The following HIVEP3 variants were observed in gnomAD, a reference collection of about 807,000 sequenced individuals.
HIVEP3 encodes the protein HIVEP zinc finger 3.
In HIVEP3, 49 loss-of-function variants were observed where a neutral mutation model predicts 152.8. That is an observed-to-expected ratio of 0.32 (90% CI 0.26 to 0.41). HIVEP3 has a LOEUF of 0.41. HIVEP3 is among the 10% of genes least tolerant of loss of function. The probability of loss-of-function intolerance (pLI) is 1.00; values close to 1 mark genes in which losing one functional copy is unlikely to be tolerated. For synonymous variants in HIVEP3, 1,269 were observed against 1,289.0 expected, an observed-to-expected ratio of 0.98 and a Z score of 0.33; for missense variants, 2,790 against 3,103.3, an observed-to-expected ratio of 0.90 and a Z score of 2.40.
chr1:41,584,842 G>A lies in HIVEP3; in HGVS notation c.-45C>T, dbSNP rs142011649. ...GATGCTATTCAGGGAGAGTCAGGGC[G>A]GGCTGCATTTATGAATAATCCCAGT... is the stretch of plus-strand genomic sequence containing the variant. On this transcript the variant is annotated 5_prime_UTR_variant, in exon 4 of 9. Coordinates refer to ENST00000372583, the MANE Select transcript of HIVEP3 (RefSeq NM_024503.5). This position sits in a 1 kb window ranked among gnomAD's most constrained non-coding sequence, Gnocchi z 5.2. 8.7e-5 allele frequency: 125 copies of A among 1,437,642 alleles called. No homozygotes were observed. In the African/African-American group the frequency reaches 1.5e-3, roughly 17 times the overall value. 89.1% of individuals were successfully genotyped at this position (1,437,642 alleles called of 1,614,324 possible).
At chr1:41,836,979 A>G (rs672452) in intron 1 of HIVEP3, among the ~76,000 whole-genome samples, 1 of 152,084 alleles carries the variant, frequency 6.6e-6, no homozygotes, top group Non-Finnish European at 1.5e-5. Context: ...CCTACTTAGA[A>G]CCTTCTAGGA....
At chr1:41,827,217 C>A (rs1158885525) in intron 1 of HIVEP3, among the ~76,000 whole-genome samples, 3 of 152,200 alleles carry the variant, frequency 2.0e-5, no homozygotes, top group Non-Finnish European at 4.4e-5. Flanking sequence ...TCTTGTTCCA[C>A]CACAAATCTC....
chr1:41,714,858 C>T (rs1646566333), intron 1 of HIVEP3, among the ~76,000 whole-genome samples: 1 of 152,108 alleles, frequency 6.6e-6, no homozygotes, highest in Non-Finnish European at 1.5e-5. Flanking sequence ...ACTGGCAACC[C>T]AATTTTAAGG....
chr1:41,956,647 A>G, intron 1 of HIVEP3, among the ~76,000 whole-genome samples: 1 of 152,236 alleles, frequency 6.6e-6, no homozygotes, highest in African/African-American at 2.4e-5. Context: ...TTCCTCCTGG[A>G]ATACAGAGGC....
chr1:42,032,304 G>A (rs913341081), intron 1 of HIVEP3, among the ~76,000 whole-genome samples: 5 of 152,084 alleles, frequency 3.3e-5, no homozygotes, highest in Admixed American at 1.3e-4. Flanking sequence ...TGGTGCAGGC[G>A]CCATCTCACT....
intron 1 of HIVEP3, among the ~76,000 whole-genome samples, chr1:41,941,378 A>G (rs1174037909): frequency 6.6e-6 from 1 of 152,230 alleles, no homozygotes. Context: ...AATAGAATCC[A>G]GGCACACATA....
chr1:41,766,971 A>G (rs990534419), intron 1 of HIVEP3, among the ~76,000 whole-genome samples: 1 of 152,016 alleles, frequency 6.6e-6, no homozygotes, highest in African/African-American at 2.4e-5. Context: ...CCCAATGGAT[A>G]CTCTACACCA....
chr1:41,697,487 A>C (rs1285949542), intron 2 of HIVEP3, among the ~76,000 whole-genome samples: 1 of 152,130 alleles, frequency 6.6e-6, no homozygotes, highest in African/African-American at 2.4e-5. Flanking sequence ...AGAGCTACCC[A>C]TGGGAACCTT....
chr1:41,661,350 C>T (rs1427901315), intron 2 of HIVEP3, among the ~76,000 whole-genome samples: 1 of 152,214 alleles, frequency 6.6e-6, no homozygotes, highest in Non-Finnish European at 1.5e-5. Flanking sequence ...TGTTTTGCAG[C>T]CACCACCACT....
At chr1:41,795,358 G>A (rs1305245656) in intron 1 of HIVEP3, among the ~76,000 whole-genome samples, 1 of 152,230 alleles carries the variant, frequency 6.6e-6, no homozygotes, top group Non-Finnish European at 1.5e-5. Flanking sequence ...TTGGAGGAAT[G>A]TCACAGAAGT....
At chr1:41,713,737 CCCATG>C (rs1452430767) in intron 1 of HIVEP3, among the ~76,000 whole-genome samples, 2 of 152,224 alleles carry the variant, frequency 1.3e-5, no homozygotes. Context: ...TGCTGGGCAG[CCCATG>C]CCATGTTTTG....
intron 1 of HIVEP3, among the ~76,000 whole-genome samples, chr1:41,986,095 G>A (rs1454883465): frequency 1.3e-5 from 2 of 152,132 alleles, no homozygotes; most frequent in Non-Finnish European, 2.9e-5. Flanking sequence ...CTCAAGTCAT[G>A]CTATCTGTAC....
rs1269154560 is a variant in HIVEP3 at position 41,778,220 on chromosome 1, G to A, written c.-800-77225C>T. 2.0e-5 allele frequency among the ~76,000 whole-genome samples: 3 copies of A among 152,194 alleles called. No homozygotes were observed. The East Asian group carries it at 5.8e-4, about 29-fold the overall frequency. The stretch of plus-strand genomic sequence containing the variant: ...GTCATTTCCTGGCGTTTGAGTGGAT[G>A]GCATCTGCTCTGCCCCAGCAGTACA... On this transcript the variant is annotated intron_variant, in intron 1 of 8. Transcript: ENST00000372583.
intron 5 of HIVEP3, chr1:41,535,492 T>C (rs1218447114): frequency 6.6e-6 from 1 of 152,248 alleles, no homozygotes; most frequent in African/African-American, 2.4e-5. Flanking sequence ...CTTCCCTGCC[T>C]GTTCTGAGGC....
chr1:41,582,200 C>A lies in HIVEP3; in HGVS notation c.2598G>T (p.Arg866=). 1 of 1,614,018 alleles carries A rather than the reference C, an allele frequency of 6.2e-7. No individual in the cohort carries two copies. The highest frequency in any genetic ancestry group is 8.5e-7 in the Non-Finnish European group (1 of 1,180,004). Residue 866 remains arginine (R), a synonymous_variant, in exon 4 of 9, where the codon CGG becomes CGT. Transcript: ENST00000372583. The surrounding 1 kb of genome is among the most constrained non-coding windows in gnomAD (Gnocchi z 4.7). The part of the protein sequence containing the change: ...PEILVTEEPD[R]PDTEPEPPPK... ...GGGGCGGCTCTGGCTCTGTGTCCGG[C>A]CGGTCAGGCTCCTCAGTTACTAGGA...
At chr1:41,688,080 G>T (rs1488938531) in intron 2 of HIVEP3, among the ~76,000 whole-genome samples, 1 of 152,250 alleles carries the variant, frequency 6.6e-6, no homozygotes, top group African/African-American at 2.4e-5. Flanking sequence ...GGGCACCACG[G>T]TTCTTGTTGA....
chr1:41,743,311 A>G (rs1462250191), intron 1 of HIVEP3, among the ~76,000 whole-genome samples: 1 of 152,200 alleles, frequency 6.6e-6, no homozygotes, highest in East Asian at 1.9e-4. Flanking sequence ...ACACCCACCA[A>G]CTGTGAGCTT....
intron 2 of HIVEP3, among the ~76,000 whole-genome samples, chr1:41,652,925 C>T (rs902540452): frequency 6.6e-6 from 1 of 152,146 alleles, no homozygotes; most frequent in African/African-American, 2.4e-5. Context: ...TTACCCTCGT[C>T]TCAATGAGCA....
chr1:41,730,654 A>C (rs1158476304), intron 1 of HIVEP3, among the ~76,000 whole-genome samples: 1 of 152,250 alleles, frequency 6.6e-6, no homozygotes, highest in Non-Finnish European at 1.5e-5. Flanking sequence ...TTGCACGTTA[A>C]TAATGCATGG....
Sources: gnomAD v4.1 joint callset for allele counts (sites outside exome capture counted in the v4.1 genomes callset) on GRCh38, gnomAD v4.1.1 for gene constraint, Gnocchi (gnomAD v3.1) non-coding constraint, MANE v1.5 for transcripts, NCBI Gene and HGNC (gene_info 2026-07-23, HGNC 2026-07-21) for gene names.